The following COL7A1 variants were observed in gnomAD, a reference collection of about 807,000 sequenced individuals.
COL7A1 encodes the protein collagen alpha-1(VII) chain.
COL7A1 carries 296 observed loss-of-function variants against 456.2 expected under a neutral mutation model. The observed-to-expected ratio is 0.65, with a 90% CI of 0.59 to 0.71. The LOEUF is 0.71. Ranked by LOEUF, COL7A1 falls within the 30% of genes least tolerant of loss-of-function variation. The probability of loss-of-function intolerance (pLI) is 0.00; values close to 1 mark genes in which losing one functional copy is unlikely to be tolerated. For synonymous variants in COL7A1, 1,464 were observed against 1,525.9 expected (o/e 0.96, Z 0.95); for missense variants, 3,441 against 4,017.2 (o/e 0.86, Z 3.88).
At chr3:48,584,811 C>T (rs756921470) in intron 34 of COL7A1, 42 bp from the exon 35 acceptor site, 64 of 1,613,790 alleles carry the variant, frequency 4.0e-5, no homozygotes, top group Non-Finnish European at 4.7e-5. Context: ...TGGGCTCAGG[C>T]GAATGTCAAC....
Position 48,585,908 on chromosome 3 carries a change from C to A in COL7A1, c.3759+32G>T, listed in dbSNP as rs1457804992. On this transcript the variant is annotated intron_variant, in intron 29 of 118. Coordinates refer to ENST00000681320, the MANE Select transcript of COL7A1 (RefSeq NM_000094.4). The surrounding 1 kb of genome is among the most constrained non-coding windows in gnomAD (Gnocchi z 4.5). ...TCAGAGTGGCTAGCCCCAGGTGCAGCCTCTGTTCACCTCTCGATGAGGGAC... is the reference window on the plus strand; with the variant it reads ...TCAGAGTGGCTAGCCCCAGGTGCAGACTCTGTTCACCTCTCGATGAGGGAC... 1 of 1,614,016 alleles carries A rather than the reference C, an allele frequency of 6.2e-7. No individual in the cohort carries two copies. Among genetic ancestry groups the A allele is most frequent in the African/African-American group, 1.3e-5 (1 of 74,926 alleles).
Position 48,591,530 on chromosome 3 carries a change from C to T in COL7A1, c.1570G>A (p.Val524Met). 2 of 1,614,010 alleles carry T rather than the reference C, an allele frequency of 1.2e-6. No homozygotes were observed. The highest frequency in any genetic ancestry group is 1.7e-6 in the Non-Finnish European group (2 of 1,179,998). The change falls in exon 13 of 119, where the codon GTG becomes ATG. Residue 524 changes from valine (V) to methionine (M), a missense_variant. This residue lies in a region of COL7A1 where 913 missense variants were observed against 1,088.2 expected (regional missense o/e 0.84). Coordinates refer to ENST00000681320, the MANE Select transcript of COL7A1 (RefSeq NM_000094.4). This position sits in a 1 kb window ranked among gnomAD's most constrained non-coding sequence, Gnocchi z 7.0. ...GGGACTGGGCTCCAGGACACTCGCA[C>T]CCGCTGCCCGGGCAGCTCGGTGGCT... ...LQATELPGQR[V>M]RVSWSPVPGA...
At position 48,595,322 on chromosome 3, in the gene COL7A1, G is replaced by C. The variant is rs2046009130; in HGVS notation, c.-56C>G. 1 of 642,460 alleles carries C rather than the reference G, an allele frequency of 1.6e-6. No homozygotes were observed. The highest frequency in any genetic ancestry group is 2.8e-5 in the East Asian group (1 of 35,410). 39.8% of individuals were successfully genotyped at this position (642,460 alleles called of 1,614,324 possible). A position where few individuals can be genotyped will look rare whatever the true frequency, so the allele number is the denominator to read the frequency against. On this transcript the variant is annotated 5_prime_UTR_variant, in exon 1 of 119. Coordinates refer to ENST00000681320, the MANE Select transcript of COL7A1 (RefSeq NM_000094.4). ...GCTGCAGTCTCTCGGGCAGAGCAGA[G>C]AAAAGTCCCTGATCTCGGGGGGCGG...
At position 48,575,861 on chromosome 3, in the gene COL7A1, AC is replaced by A. The variant is rs747537337; in HGVS notation, c.5856+5del. 6.2e-7 allele frequency: 1 copy of A among 1,613,888 alleles called. No homozygotes were observed. The stretch of plus-strand genomic sequence containing the variant: ...TGTCCCTACCCCCAGCCCCTAAACA[AC>A]CCACCTTGATGCCAGCAGTTTCCAG... On this transcript the variant is annotated splice_donor_5th_base_variant and intron_variant, in intron 72 of 118. Transcript: ENST00000681320. This position sits in a 1 kb window ranked among gnomAD's most constrained non-coding sequence, Gnocchi z 6.3.
Position 48,564,865 on chromosome 3 carries a change from A to G in COL7A1, c.8736T>C (p.Cys2912=). The G allele has an allele frequency of 6.2e-7, 1 of 1,614,136 alleles. No homozygotes were observed. Among genetic ancestry groups the G allele is most frequent in the South Asian group, 1.1e-5 (1 of 91,090 alleles). The change falls in exon 118 of 119, where the codon TGT becomes TGC. Residue 2912 remains cysteine (C), a synonymous_variant. Coordinates refer to ENST00000681320, the MANE Select transcript of COL7A1 (RefSeq NM_000094.4). This position sits in a 1 kb window ranked among gnomAD's most constrained non-coding sequence, Gnocchi z 6.0. ...TCCCAAAACGGTTGGCATTCCCTCC[A>G]CAGCCACCATAGACAAAAGGGTGAC... ...EACHPFVYGG[C]GGNANRFGTR...
In COL7A1 at chr3:48,587,504, C is replaced by T. The variant is rs774354465; in HGVS notation, c.2908G>A (p.Asp970Asn). The T allele has an allele frequency of 4.3e-6, 7 of 1,613,268 alleles. No individual in the cohort carries two copies. Among genetic ancestry groups the T allele is most frequent in the Admixed American group, 1.7e-5 (1 of 59,996 alleles). ...IELRVVDTSIDSVTLAWTPVS... is the reference protein window; with the variant it reads ...IELRVVDTSINSVTLAWTPVS... The stretch of plus-strand genomic sequence containing the variant: ...GGAGTCCAGGCCAAAGTCACCGAGT[C>T]GATCGAGGTGTCCACCACACGTAGT... The change falls in exon 23 of 119, where the codon GAC (aspartate) becomes AAC (asparagine). Residue 970 changes from aspartate to asparagine, a missense_variant. Asp to Asn is a conservative substitution (Grantham distance 23, BLOSUM62 1). Coordinates refer to ENST00000681320, the MANE Select transcript of COL7A1 (RefSeq NM_000094.4). The surrounding 1 kb of genome is among the most constrained non-coding windows in gnomAD (Gnocchi z 6.1).
At position 48,570,935 on chromosome 3, in the gene COL7A1, G is replaced by C. The variant is rs575699552; in HGVS notation, c.7198C>G (p.Pro2400Ala). ...DLGLPGLPGA[P>A]GVVGFPGQTG... ...TGACCCGGGAACCCAACAACACCAG[G>C]AGCACCGGGCAGGCCAGGGAGGCCC... Residue 2400 changes from proline to alanine, a missense_variant, in exon 95 of 119, where the codon CCT becomes GCT. Transcript: ENST00000681320. The surrounding 1 kb of genome is among the most constrained non-coding windows in gnomAD (Gnocchi z 5.5). The C allele has an allele frequency of 6.2e-7, 1 of 1,613,778 alleles. No individual in the cohort carries two copies. Among genetic ancestry groups the C allele is most frequent in the South Asian group, 1.1e-5 (1 of 91,024 alleles).
Position 48,573,480 on chromosome 3 carries a change from G to A in COL7A1, c.6618+33C>T. 6.2e-7 allele frequency: 1 copy of A among 1,613,954 alleles called. No individual in the cohort carries two copies. The highest frequency in any genetic ancestry group is 8.5e-7 in the Non-Finnish European group (1 of 1,179,918). On this transcript the variant is annotated intron_variant, in intron 83 of 118. Transcript: ENST00000681320. This position sits in a 1 kb window ranked among gnomAD's most constrained non-coding sequence, Gnocchi z 5.5. ...CCAGGCATGGACACAGCTTGAAGGAGCCTCCTCCTCCTATCCACACACCTA... is the reference window on the plus strand; with the variant it reads ...CCAGGCATGGACACAGCTTGAAGGAACCTCCTCCTCCTATCCACACACCTA...
At position 48,578,811 on chromosome 3, in the gene COL7A1, G is replaced by T; in HGVS notation, c.5424+108C>A. ...GGGACTGAGACCCTCCCAAAGGCAA[G>T]GCTGAACCGACCCCCCACCAACTCT... is the stretch of plus-strand genomic sequence containing the variant. On this transcript the variant is annotated intron_variant, in intron 63 of 118. Coordinates refer to ENST00000681320, the MANE Select transcript of COL7A1 (RefSeq NM_000094.4). The surrounding 1 kb of genome is among the most constrained non-coding windows in gnomAD (Gnocchi z 4.7). 8.2e-7 allele frequency: 1 copy of T among 1,225,950 alleles called. No homozygotes were observed. Among genetic ancestry groups the T allele is most frequent in the Non-Finnish European group, 1.1e-6 (1 of 887,260 alleles). The allele number at this position is 1,225,950 out of a possible 1,614,324, so 75.9% of individuals were successfully genotyped here.
rs777401461 is a variant in COL7A1 at position 48,589,463 on chromosome 3, C to A, written c.2178G>T (p.Glu726Asp). 6.2e-7 allele frequency: 1 copy of A among 1,613,736 alleles called. No individual in the cohort carries two copies. The highest frequency in any genetic ancestry group is 8.5e-7 in the Non-Finnish European group (1 of 1,180,018). Residue 726 changes from glutamate to aspartate, a missense_variant, in exon 18 of 119, where the codon GAG becomes GAT. Coordinates refer to ENST00000681320, the MANE Select transcript of COL7A1 (RefSeq NM_000094.4). ...RVSWHSAHGP[E>D]KSQLVSGEAT... is the part of the protein sequence containing the mutation. ...CCTCCCCAGAAACCAACTGGGATTT[C>A]TCTGGGCCTGGGAACAGGGATGGAG...
chr3:48,572,082 G>A lies in COL7A1; in HGVS notation c.7024-37C>T, dbSNP rs2043960140. 2.5e-6 allele frequency: 4 copies of A among 1,613,340 alleles called. No individual in the cohort carries two copies. The African/African-American group carries it at 5.3e-5, about 22-fold the overall frequency. On this transcript the variant is annotated intron_variant, in intron 91 of 118. Coordinates refer to ENST00000681320, the MANE Select transcript of COL7A1 (RefSeq NM_000094.4). This position sits in a 1 kb window ranked among gnomAD's most constrained non-coding sequence, Gnocchi z 4.6. ...GGCAGGTGAGGGGTGTCTGGACTGA[G>A]CCTTCTCTGCTCAGTAGTCAGGCCC...
In COL7A1 at chr3:48,572,539, C is replaced by T; in HGVS notation, c.6901-1G>A. On this transcript the variant is annotated splice_acceptor_variant, in intron 88 of 118. Transcript: ENST00000681320. LOFTEE classifies it high-confidence loss of function. The surrounding 1 kb of genome is among the most constrained non-coding windows in gnomAD (Gnocchi z 4.6). ...TTGCTCCAGGGAGCCCGACCACAGC[C>T]TGTGGGGAATGCTAGTGAGTTTCCT... The T allele has an allele frequency of 6.2e-7, 1 of 1,613,766 alleles. No individual in the cohort carries two copies. Among genetic ancestry groups the T allele is most frequent in the Non-Finnish European group, 8.5e-7 (1 of 1,179,790 alleles).
In COL7A1 at chr3:48,586,960, C is replaced by T; in HGVS notation, c.3276+12G>A. 2 of 1,583,020 alleles carry T rather than the reference C, an allele frequency of 1.3e-6. No homozygotes were observed. Among genetic ancestry groups the T allele is most frequent in the Non-Finnish European group, 1.7e-6 (2 of 1,164,818 alleles). ...CAGGGAGAGGTAGAATCTGGCTGCCCCAGGGCCAAACCTGAACTGCCTGTG... is the reference window on the plus strand; with the variant it reads ...CAGGGAGAGGTAGAATCTGGCTGCCTCAGGGCCAAACCTGAACTGCCTGTG... On this transcript the variant is annotated intron_variant, in intron 25 of 118. Coordinates refer to ENST00000681320, the MANE Select transcript of COL7A1 (RefSeq NM_000094.4). This position sits in a 1 kb window ranked among gnomAD's most constrained non-coding sequence, Gnocchi z 5.1.
At position 48,590,702 on chromosome 3, in the gene COL7A1, C is replaced by G. The variant is rs555015100; in HGVS notation, c.1751G>C (p.Gly584Ala). The change falls in exon 14 of 119, where the codon GGC becomes GCC. Residue 584 changes from glycine (G) to alanine (A), a missense_variant. Coordinates refer to ENST00000681320, the MANE Select transcript of COL7A1 (RefSeq NM_000094.4). The surrounding 1 kb of genome is among the most constrained non-coding windows in gnomAD (Gnocchi z 4.6). Reference sequence around the variant, plus strand: ...GCGGACAGTGAGGACACTGGCACTGCCCTCACGGGGACCCACTCGAGCAGA... The same window carrying G: ...GCGGACAGTGAGGACACTGGCACTGGCCTCACGGGGACCCACTCGAGCAGA... ...RVSARVGPRE[G>A]SASVLTVRRE... 14 of 1,614,032 alleles carry G rather than the reference C, an allele frequency of 8.7e-6. No individual in the cohort carries two copies. Among genetic ancestry groups the G allele is most frequent in the Middle Eastern group, 1.6e-4 (1 of 6,062 alleles).
At position 48,572,015 on chromosome 3, in the gene COL7A1, C is replaced by G; in HGVS notation, c.7054G>C (p.Asp2352His). 1 of 1,612,710 alleles carries G rather than the reference C, an allele frequency of 6.2e-7. No homozygotes were observed. Among genetic ancestry groups the G allele is most frequent in the Non-Finnish European group, 8.5e-7 (1 of 1,179,450 alleles). Residue 2352 changes from aspartate (D) to histidine (H), a missense_variant, in exon 92 of 119, where the codon GAC (aspartate) becomes CAC (histidine). Physicochemically the swap from Asp to His is moderately conservative, Grantham distance 81 (BLOSUM62 -1). Around this residue, in one of 3 missense-constraint regions of COL7A1, gnomAD observed 2,084 missense variants for 2,501.3 expected, o/e 0.83. Transcript: ENST00000681320. This position sits in a 1 kb window ranked among gnomAD's most constrained non-coding sequence, Gnocchi z 4.6. ...GEAGRAGEPG[D>H]PGEDGQKGAP... Reference sequence around the variant, plus strand: ...CCCGGACTCACATCTTCCCCAGGGTCTCCGGGCTCCCCTGCACGGCCAGCT... The same window carrying G: ...CCCGGACTCACATCTTCCCCAGGGTGTCCGGGCTCCCCTGCACGGCCAGCT...
At position 48,575,695 on chromosome 3, in the gene COL7A1, G is replaced by C; in HGVS notation, c.5910C>G (p.Phe1970Leu). The C allele has an allele frequency of 6.2e-7, 1 of 1,613,742 alleles. No homozygotes were observed. Among genetic ancestry groups the C allele is most frequent in the South Asian group, 1.1e-5 (1 of 91,092 alleles). ...VETWDESSGS[F>L]LPVPERRRGP... ...CTCGACGCCGTTCGGGCACAGGCAG[G>C]AAGCTACCAGAGCTCTCATCCCAGG... Residue 1970 changes from phenylalanine (F) to leucine (L), a missense_variant, in exon 73 of 119, where the codon TTC becomes TTG. Phe to Leu is a conservative substitution (Grantham distance 22). This residue lies in a region of COL7A1 where 2,084 missense variants were observed against 2,501.3 expected (regional missense o/e 0.83). Transcript: ENST00000681320. The surrounding 1 kb of genome is among the most constrained non-coding windows in gnomAD (Gnocchi z 6.3).
At position 48,587,846 on chromosome 3, in the gene COL7A1, C is replaced by T; in HGVS notation, c.2804G>A (p.Ser935Asn). ...CCCTTCTCCAGCTGGCCCTAGGACA[C>T]TCAGCCTCACGCGGTACTGTGTCGC... is the stretch of plus-strand genomic sequence containing the variant. Reference protein sequence around the residue: ...EPATQYRVRLSVLGPAGEGPS... With the variant: ...EPATQYRVRLNVLGPAGEGPS... The change falls in exon 22 of 119, where the codon AGT becomes AAT. Residue 935 changes from serine (S) to asparagine (N), a missense_variant. Physicochemically the swap from Ser to Asn is conservative, Grantham distance 46. Coordinates refer to ENST00000681320, the MANE Select transcript of COL7A1 (RefSeq NM_000094.4). The surrounding 1 kb of genome is among the most constrained non-coding windows in gnomAD (Gnocchi z 6.1). 6.2e-7 allele frequency: 1 copy of T among 1,613,362 alleles called. No homozygotes were observed. Among genetic ancestry groups the T allele is most frequent in the Non-Finnish European group, 8.5e-7 (1 of 1,179,930 alleles).
rs751159659 is a variant in COL7A1 at position 48,592,233 on chromosome 3, T to C, written c.1109A>G (p.Gln370Arg). 1 of 1,614,016 alleles carries C rather than the reference T, an allele frequency of 6.2e-7. No individual in the cohort carries two copies. The highest frequency in any genetic ancestry group is 1.7e-5 in the Admixed American group (1 of 60,028). ...ACCCTGCCCAGGGCCCAGCTCCTGCTGCTGTGTGGGCCCACCTGCATGGGG... is the reference window on the plus strand; with the variant it reads ...ACCCTGCCCAGGGCCCAGCTCCTGCCGCTGTGTGGGCCCACCTGCATGGGG... ...WRVLSGGPTQQQELGPGQGSV... is the reference protein window; with the variant it reads ...WRVLSGGPTQRQELGPGQGSV... Residue 370 changes from glutamine (Q) to arginine (R), a missense_variant, in exon 10 of 119, where the codon CAG (glutamine) becomes CGG (arginine). Around this residue, in one of 3 missense-constraint regions of COL7A1, gnomAD observed 913 missense variants for 1,088.2 expected, o/e 0.84. Coordinates refer to ENST00000681320, the MANE Select transcript of COL7A1 (RefSeq NM_000094.4). This position sits in a 1 kb window ranked among gnomAD's most constrained non-coding sequence, Gnocchi z 7.6.
In COL7A1 at chr3:48,586,681, C is replaced by CAGGCCAACCTGGGGTGGA; in HGVS notation, c.3277-10_3284dup (p.Leu1095_Leu1096insProProGlnValGlyLeu). 1 of 1,590,924 alleles carries CAGGCCAACCTGGGGTGGA rather than the reference C, an allele frequency of 6.3e-7. No homozygotes were observed. The highest frequency in any genetic ancestry group is 8.6e-7 in the Non-Finnish European group (1 of 1,168,112). On this transcript the variant is annotated inframe_insertion, in exon 26 of 119. Transcript: ENST00000681320. This position sits in a 1 kb window ranked among gnomAD's most constrained non-coding sequence, Gnocchi z 5.1. Reference sequence around the variant, plus strand: ...GGGAGGGCCGATGACTGTAAGACAGCAGGCCAACCTGGGGTGGAAGGAAAC... The same window carrying CAGGCCAACCTGGGGTGGA: ...GGGAGGGCCGATGACTGTAAGACAGCAGGCCAACCTGGGGTGGAAGGCCAACCTGGGGTGGAAGGAAAC...
Sources: gnomAD v4.1 joint callset for allele counts on GRCh38, gnomAD v4.1.1 for gene constraint, gnomAD v4.1.1 regional missense constraint, Gnocchi (gnomAD v3.1) non-coding constraint, MANE v1.5 for transcripts, NCBI Gene and HGNC (gene_info 2026-07-23, HGNC 2026-07-21) for gene names.